The following DYM variants were observed in gnomAD, a reference collection of about 807,000 sequenced individuals.
DYM encodes dyggve-Melchior-Clausen syndrome protein.
In DYM, 78 loss-of-function variants were observed where a neutral mutation model predicts 93.1. That is an observed-to-expected ratio of 0.84 (90% confidence interval 0.70 to 1.01). The LOEUF is 1.01. DYM is among the 50% of genes least tolerant of loss of function. The probability of loss-of-function intolerance (pLI) is 0.00; values close to 1 mark genes in which losing one functional copy is unlikely to be tolerated. For synonymous variants in DYM, 321 were observed against 319.7 expected (o/e 1.00, Z -0.04); for missense variants, 789 against 845.0 (o/e 0.93, Z 0.82).
At chr18:49,252,898 C>A (rs1199127226) in intron 13 of DYM, among the ~76,000 whole-genome samples, 3 of 152,116 alleles carry the variant, frequency 2.0e-5, no homozygotes, top group African/African-American at 7.2e-5. Flanking sequence ...ATAAAGAACG[C>A]AGCAAATATG....
intron 14 of DYM, among the ~76,000 whole-genome samples, chr18:49,183,542 T>C (rs1053833611): frequency 6.6e-6 from 1 of 152,162 alleles, no homozygotes; most frequent in Admixed American, 6.5e-5. Flanking sequence ...AAAATGTAGC[T>C]TAGAAAAATA....
intron 15 of DYM, among the ~76,000 whole-genome samples, chr18:49,149,098 G>A (rs1405294204): frequency 2.0e-5 from 3 of 152,096 alleles, no homozygotes; most frequent in Admixed American, 1.3e-4. Context: ...ATTCTCATAA[G>A]GCATGTGTAA....
At chr18:49,092,766 CAGAAGGAGAAGGGTGGT>C (rs1465410378) in intron 17 of DYM, among the ~76,000 whole-genome samples, 1 of 151,978 alleles carries the variant, frequency 6.6e-6, no homozygotes, top group Admixed American at 6.6e-5. Context: ...AATCTGGGGA[CAGAAGGAGAAGGGTGGT>C]AGAAGGAGAA....
At chr18:49,257,874 C>G (rs894763325) in intron 12 of DYM, among the ~76,000 whole-genome samples, 1 of 151,822 alleles carries the variant, frequency 6.6e-6, no homozygotes, top group African/African-American at 2.4e-5. Context: ...AAAAAAAATG[C>G]CATTTCTCTT....
Position 49,257,066 on chromosome 18 carries a change from T to G in DYM, c.1404A>C (p.Ala468=). ...GAGAACGAAACTGTGCCGACATATT[T>G]GCTAAAGCTGCCAAACAATTTGTGT... ...YLHTNCLAAL[A]NMSAQFRSLH... Residue 468 remains alanine (A), a synonymous_variant, in exon 13 of 18, where the codon GCA becomes GCC. Transcript: ENST00000675505. 1 of 1,613,994 alleles carries G rather than the reference T, an allele frequency of 6.2e-7. No homozygotes were observed. Among genetic ancestry groups the G allele is most frequent in the Non-Finnish European group, 8.5e-7 (1 of 1,179,918 alleles).
intron 6 of DYM, among the ~76,000 whole-genome samples, chr18:49,339,257 C>G (rs985980333): frequency 2.4e-4 from 37 of 152,182 alleles, no homozygotes; most frequent in African/African-American, 8.2e-4. Context: ...TGCATGCGCA[C>G]GTGCCAAAGA....
intron 13 of DYM, among the ~76,000 whole-genome samples, chr18:49,220,193 A>G (rs1343878626): frequency 6.6e-6 from 1 of 152,166 alleles, no homozygotes; most frequent in Non-Finnish European, 1.5e-5. Flanking sequence ...AATCCAACTT[A>G]CAAGGGACAT....
chr18:49,324,665 T>A (rs1362942778), intron 8 of DYM, among the ~76,000 whole-genome samples: 3 of 152,242 alleles, frequency 2.0e-5, no homozygotes, highest in African/African-American at 4.8e-5. Flanking sequence ...TCAAAGTTCT[T>A]AAATTTTTAA....
chr18:49,331,954 G>A lies in DYM; in HGVS notation c.673C>T (p.Gln225Ter), dbSNP rs1440421643. ...VKTLLYNFIR[Q>*]EKPPPPGAHV... ...GCCCCTGGAGGAGGTGGCTTTTCTT[G>A]TCTGATAAAGTTATATAATAAGGTC... Residue 225 changes from glutamine to a stop codon, truncating the protein, a stop_gained, in exon 8 of 18, where the codon CAA becomes TAA. Coordinates refer to ENST00000675505, the MANE Select transcript of DYM (RefSeq NM_001353214.3). LOFTEE classifies it high-confidence loss of function. 6.2e-7 allele frequency: 1 copy of A among 1,613,954 alleles called. No individual in the cohort carries two copies. The highest frequency in any genetic ancestry group is 8.5e-7 in the Non-Finnish European group (1 of 1,179,972).
intron 15 of DYM, among the ~76,000 whole-genome samples, chr18:49,155,793 C>T (rs1333429282): frequency 1.3e-5 from 2 of 152,192 alleles, no homozygotes; most frequent in Non-Finnish European, 2.9e-5. Context: ...GGATACACCA[C>T]ATTTTATTTA....
At chr18:49,167,672 AGAATAAG>A (rs1208942491) in intron 14 of DYM, among the ~76,000 whole-genome samples, 1 of 152,206 alleles carries the variant, frequency 6.6e-6, no homozygotes. Flanking sequence ...AATGCTAATC[AGAATAAG>A]GAATAAAGAT....
chr18:49,038,788 TTTA>T lies in DYM; in HGVS notation c.*5264_*5266del, dbSNP rs2070797736. ...CTTATTATGTGGAAAGCTATACACT[TTTA>T]TTGATATCTCAAATATTATCATGCA... On this transcript the variant is annotated 3_prime_UTR_variant, in exon 18 of 18. Transcript: ENST00000675505. Among the ~76,000 whole-genome samples, 2 of 152,230 alleles carry T rather than the reference TTTA, an allele frequency of 1.3e-5. No individual in the cohort carries two copies. The highest frequency in any genetic ancestry group is 4.1e-4 in the South Asian group (2 of 4,832).
intron 16 of DYM, among the ~76,000 whole-genome samples, chr18:49,098,435 C>G (rs758168349): frequency 5.3e-5 from 8 of 152,130 alleles, no homozygotes; most frequent in Non-Finnish European, 1.0e-4. Flanking sequence ...TAACTTTTGT[C>G]TTATCCATTC....
intron 8 of DYM, among the ~76,000 whole-genome samples, chr18:49,307,591 C>T (rs62104613): frequency 0.045 from 6,815 of 152,270 alleles, 201 homozygotes; most frequent in Middle Eastern, 0.095. Context: ...GTCACTGCCA[C>T]ACCTCATCTG....
chr18:49,054,576 G>A (rs1241190780), intron 17 of DYM, among the ~76,000 whole-genome samples: 2 of 152,156 alleles, frequency 1.3e-5, no homozygotes, highest in African/African-American at 4.8e-5. Context: ...AATTATAAAG[G>A]ACCACTTATT....
rs553501704 is a variant in DYM at position 49,158,995 on chromosome 18, T to C, written c.1728+4690A>G. Among the ~76,000 whole-genome samples the C allele has an allele frequency of 2.6e-5, 4 of 152,294 alleles. No homozygotes were observed. The South Asian group carries it at 6.2e-4, about 24-fold the overall frequency. The stretch of plus-strand genomic sequence containing the variant: ...TGTACGTGGGTATTAAAATATCTCA[T>C]GTACCCTATAAATATATACATCTAC... On this transcript the variant is annotated intron_variant, in intron 15 of 17. Coordinates refer to ENST00000675505, the MANE Select transcript of DYM (RefSeq NM_001353214.3).
chr18:49,278,108 G>A (rs2094890112), intron 10 of DYM, among the ~76,000 whole-genome samples: 1 of 152,086 alleles, frequency 6.6e-6, no homozygotes, highest in East Asian at 1.9e-4. Flanking sequence ...CCTTTTTGAT[G>A]TTTATATAAA....
chr18:49,327,621 C>T (rs893428908), intron 8 of DYM, among the ~76,000 whole-genome samples: 3 of 152,072 alleles, frequency 2.0e-5, no homozygotes, highest in African/African-American at 4.8e-5. Flanking sequence ...CCTCCCAAAG[C>T]ACTGGGATTA....
intron 13 of DYM, among the ~76,000 whole-genome samples, chr18:49,230,637 A>G (rs2093667782): frequency 6.6e-6 from 1 of 152,210 alleles, no homozygotes; most frequent in Non-Finnish European, 1.5e-5. Context: ...CCCCAAACAA[A>G]CAAAAGGCTT....
Sources: gnomAD v4.1 joint callset for allele counts (sites outside exome capture counted in the v4.1 genomes callset) on GRCh38, gnomAD v4.1.1 for gene constraint, MANE v1.5 for transcripts, NCBI Gene and HGNC (gene_info 2026-07-23, HGNC 2026-07-21) for gene names.